The following MGAT5 variants were observed in gnomAD, a reference collection of about 807,000 sequenced individuals.
MGAT5 encodes alpha-1,6-mannosylglycoprotein 6-beta-N-acetylglucosaminyltransferase A.
MGAT5 carries 30 observed loss-of-function variants against 94.3 expected under a neutral mutation model. The ratio of observed to expected loss-of-function variants is 0.32; its 90% CI spans 0.24 to 0.43. The LOEUF is 0.43. Ranked by LOEUF, MGAT5 falls within the 20% of genes least tolerant of loss-of-function variation. The pLI is 1.00. For missense variants in MGAT5, 691 were observed against 905.5 expected (o/e 0.76, Z 3.04); for synonymous variants, 310 against 322.9 (o/e 0.96, Z 0.43).
At chr2:134,271,029 G>C (rs1198268642) in intron 2 of MGAT5, among the ~76,000 whole-genome samples, 1 of 152,174 alleles carries the variant, frequency 6.6e-6, no homozygotes, top group African/African-American at 2.4e-5. Flanking sequence ...ATGGCTTTTA[G>C]GAGATAACCC....
chr2:134,308,656 A>C (rs1302218484), intron 2 of MGAT5, among the ~76,000 whole-genome samples: 1 of 152,206 alleles, frequency 6.6e-6, no homozygotes, highest in Non-Finnish European at 1.5e-5. Flanking sequence ...TGAATGAGTC[A>C]ATGTCAGAAC....
At chr2:134,177,175 T>TGTGTGTGTGTGTGTG (rs1275777732) in intron 1 of MGAT5, among the ~76,000 whole-genome samples, 1 of 23,428 alleles carries the variant, frequency 4.3e-5, no homozygotes, top group African/African-American at 4.2e-4. Context: ...GTATCTCTAT[T>TGTGTGTGTGTGTGTG]TATAGTAATC....
chr2:134,361,249 G>A, intron 9 of MGAT5, among the ~76,000 whole-genome samples: 1 of 152,190 alleles, frequency 6.6e-6, no homozygotes, highest in East Asian at 1.9e-4. Flanking sequence ...TCAGAATCTT[G>A]TGTATATCTC....
intron 5 of MGAT5, among the ~76,000 whole-genome samples, chr2:134,337,849 T>C (rs535617035): frequency 6.7e-6 from 1 of 148,184 alleles, no homozygotes; most frequent in African/African-American, 2.4e-5. Context: ...AACTTCCACG[T>C]TGTCAAACAG....
At chr2:134,322,138 G>A (rs545676510) in intron 4 of MGAT5, among the ~76,000 whole-genome samples, 56 of 152,210 alleles carry the variant, frequency 3.7e-4, no homozygotes, top group Non-Finnish European at 4.9e-4. Flanking sequence ...AGTACAACCC[G>A]GCAGATAAAA....
At chr2:134,390,487 A>G (rs1021789932) in intron 10 of MGAT5, among the ~76,000 whole-genome samples, 16 of 152,228 alleles carry the variant, frequency 1.1e-4, no homozygotes, top group African/African-American at 3.9e-4. Context: ...ATATCTCCTA[A>G]TGCTATCTTT....
At chr2:134,377,557 A>G (rs1681262656) in intron 10 of MGAT5, among the ~76,000 whole-genome samples, 2 of 152,220 alleles carry the variant, frequency 1.3e-5, no homozygotes, top group African/African-American at 4.8e-5. Context: ...AACAAGGTAG[A>G]AAGGAAGAAA....
chr2:134,387,301 G>T (rs1341680257), intron 10 of MGAT5, among the ~76,000 whole-genome samples: 6 of 42,610 alleles, frequency 1.4e-4, no homozygotes, highest in East Asian at 1.9e-3. Flanking sequence ...AGTTATGTAT[G>T]ATATATATAT....
intron 10 of MGAT5, among the ~76,000 whole-genome samples, chr2:134,396,122 G>C (rs4501001): frequency 0.96 from 145,846 of 152,162 alleles, 70,079 homozygotes; most frequent in South Asian, 1. Flanking sequence ...GGAAGAGACA[G>C]AGGTGAACAG....
intron 1 of MGAT5, among the ~76,000 whole-genome samples, chr2:134,169,415 C>CACACACACACACAG (rs1688101401): frequency 1.7e-5 from 1 of 58,208 alleles, no homozygotes; most frequent in African/African-American, 3.9e-5. Flanking sequence ...CACACACAGA[C>CACACACACACACAG]ACACACACAC....
At chr2:134,358,777 G>C (rs1285694796) in intron 9 of MGAT5, among the ~76,000 whole-genome samples, 1 of 152,230 alleles carries the variant, frequency 6.6e-6, no homozygotes, top group African/African-American at 2.4e-5. Flanking sequence ...CTGCTTGGTA[G>C]ATATAGTGTA....
At chr2:134,333,034 T>C (rs529584000) in intron 4 of MGAT5, among the ~76,000 whole-genome samples, 5,459 of 152,194 alleles carry the variant, frequency 0.036, 273 homozygotes, top group African/African-American at 0.12. Context: ...TGGCGATTCC[T>C]CAGGGATCTA....
chr2:134,278,059 A>G (rs1197088687), intron 2 of MGAT5, among the ~76,000 whole-genome samples: 3 of 152,160 alleles, frequency 2.0e-5, no homozygotes, highest in Non-Finnish European at 4.4e-5. Context: ...CAGACATGGG[A>G]GCCATCTTTA....
At chr2:134,375,113 G>A (rs147704167) in intron 10 of MGAT5, among the ~76,000 whole-genome samples, 222 of 152,328 alleles carry the variant, frequency 1.5e-3, no homozygotes, top group Middle Eastern at 6.8e-3. Flanking sequence ...TCCTTGAGGA[G>A]ATGATAATGG....
intron 15 of MGAT5, among the ~76,000 whole-genome samples, chr2:134,443,307 A>T (rs908522147): frequency 1.5e-4 from 23 of 152,064 alleles, no homozygotes; most frequent in African/African-American, 5.1e-4. Context: ...CTCACGCCTC[A>T]GCCTGGGACA....
chr2:134,243,355 C>T (rs1276615065), intron 1 of MGAT5, among the ~76,000 whole-genome samples: 3 of 152,106 alleles, frequency 2.0e-5, no homozygotes, highest in Non-Finnish European at 4.4e-5. Flanking sequence ...AGAAACTCTC[C>T]TGAGAAGCTC....
intron 6 of MGAT5, 80 bp from the exon 7 acceptor site, chr2:134,341,510 G>A: frequency 1.7e-6 from 2 of 1,193,730 alleles, no homozygotes; most frequent in Non-Finnish European, 1.2e-6. Flanking sequence ...CTTTGGGATT[G>A]GTCAATCATT....
intron 10 of MGAT5, among the ~76,000 whole-genome samples, chr2:134,394,773 A>G (rs1217540598): frequency 2.0e-5 from 3 of 151,948 alleles, no homozygotes; most frequent in Non-Finnish European, 2.9e-5. Context: ...TTCCCTGACA[A>G]CTCTCACAGG....
chr2:134,124,634 CA>C (rs1685759484), intron 1 of MGAT5, among the ~76,000 whole-genome samples: 1 of 152,232 alleles, frequency 6.6e-6, no homozygotes, highest in Non-Finnish European at 1.5e-5. Context: ...GACCCTTGCT[CA>C]GGTGGCTCCC....
Sources: allele counts gnomAD v4.1 joint callset (sites outside exome capture counted in the v4.1 genomes callset), GRCh38; gene constraint gnomAD v4.1.1; transcripts MANE v1.5; gene names NCBI Gene and HGNC (gene_info 2026-07-23, HGNC 2026-07-21).